Variants in LRRIQ1 observed in about 807,000 individuals in gnomAD.
The protein encoded by LRRIQ1 is leucine rich repeats and IQ motif containing 1.
In LRRIQ1, 210 loss-of-function variants were observed where a neutral mutation model predicts 211.9. That is an observed-to-expected ratio of 0.99 (90% confidence interval 0.89 to 1.11). LRRIQ1 has a LOEUF of 1.11. Ranked by LOEUF, LRRIQ1 falls within the 50% of genes most tolerant of loss-of-function variation. The probability of loss-of-function intolerance (pLI) is 0.00; values close to 1 mark genes in which losing one functional copy is unlikely to be tolerated. For missense variants in LRRIQ1, 2,136 were observed against 1,939.5 expected, an observed-to-expected ratio of 1.10 and a Z score of -1.90; for synonymous variants, 699 against 650.1, an observed-to-expected ratio of 1.08 and a Z score of -1.14.
intron 24 of LRRIQ1, among the ~76,000 whole-genome samples, chr12:85,184,145 G>A (rs953335633): frequency 2.6e-5 from 4 of 152,004 alleles, no homozygotes; most frequent in African/African-American, 7.2e-5. Flanking sequence ...TAGAATTAAA[G>A]AAGTAGAAGA....
chr12:85,242,631 A>G (rs543767788), intron 26 of LRRIQ1, among the ~76,000 whole-genome samples: 3 of 152,034 alleles, frequency 2.0e-5, no homozygotes, highest in East Asian at 1.9e-4. Flanking sequence ...ATTTTTTAAC[A>G]CTAAGCAGAG....
intron 24 of LRRIQ1, among the ~76,000 whole-genome samples, chr12:85,208,657 G>A (rs1019883318): frequency 6.6e-6 from 1 of 151,946 alleles, no homozygotes; most frequent in Non-Finnish European, 1.5e-5. Flanking sequence ...TAAAAAAATA[G>A]TGATTCTAAA....
At chr12:85,226,357 A>C (rs1894651679) in intron 24 of LRRIQ1, among the ~76,000 whole-genome samples, 2 of 152,154 alleles carry the variant, frequency 1.3e-5, no homozygotes, top group Admixed American at 6.5e-5. Context: ...TCACTGAGTC[A>C]TCACTGTTTT....
intron 10 of LRRIQ1, among the ~76,000 whole-genome samples, chr12:85,069,627 G>C (rs1377244861): frequency 6.6e-6 from 1 of 151,774 alleles, no homozygotes; most frequent in Non-Finnish European, 1.5e-5. Context: ...TTTAATGATT[G>C]CCATTCTAAC....
At chr12:85,179,983 G>A (rs1448615073) in intron 24 of LRRIQ1, among the ~76,000 whole-genome samples, 1 of 151,878 alleles carries the variant, frequency 6.6e-6, no homozygotes. Flanking sequence ...CTCAATAAGT[G>A]TTTGTTGAAT....
intron 11 of LRRIQ1, among the ~76,000 whole-genome samples, chr12:85,089,474 A>G (rs1315374900): frequency 6.6e-6 from 1 of 152,242 alleles, no homozygotes; most frequent in Non-Finnish European, 1.5e-5. Flanking sequence ...TGATAGTGAT[A>G]TGGACAGTGA....
At chr12:85,184,111 A>G (rs1411392016) in intron 24 of LRRIQ1, among the ~76,000 whole-genome samples, 1 of 152,038 alleles carries the variant, frequency 6.6e-6, no homozygotes, top group African/African-American at 2.4e-5. Flanking sequence ...AACTCAGATA[A>G]TTTTAGAAAC....
intron 19 of LRRIQ1, among the ~76,000 whole-genome samples, chr12:85,147,905 G>A (rs1419821089): frequency 6.6e-6 from 1 of 151,638 alleles, no homozygotes; most frequent in East Asian, 2.0e-4. Flanking sequence ...GTTTCTAAAG[G>A]AATCAAATAG....
At chr12:85,239,224 C>T (rs1895344514) in intron 26 of LRRIQ1, among the ~76,000 whole-genome samples, 1 of 151,810 alleles carries the variant, frequency 6.6e-6, no homozygotes, top group African/African-American at 2.4e-5. Context: ...AATGTACACA[C>T]TGATATTAAA....
rs759010097 is a variant in LRRIQ1 at position 85,066,893 on chromosome 12, G to A, written c.2690G>A (p.Arg897Gln). 23 of 1,455,528 alleles carry A rather than the reference G, an allele frequency of 1.6e-5. No homozygotes were observed. Among genetic ancestry groups the A allele is most frequent in the East Asian group, 4.8e-5 (2 of 41,772 alleles). The allele number at this position is 1,455,528 out of a possible 1,614,324, so 90.2% of individuals were successfully genotyped here. A position where few individuals can be genotyped will look rare whatever the true frequency, so the allele number is the denominator to read the frequency against. Reference sequence around the variant, plus strand: ...GAACTTTCATATAATAAAATTACTCGAATTGGTAAGAACAATGAAATTTTA... The same window carrying A: ...GAACTTTCATATAATAAAATTACTCAAATTGGTAAGAACAATGAAATTTTA... ...CLELSYNKIT[R>Q]IGYSFFLEEK... Residue 897 changes from arginine (R) to glutamine (Q), a missense_variant, in exon 10 of 27, where the codon CGA becomes CAA. Arg to Gln is a conservative substitution (Grantham distance 43). Coordinates refer to ENST00000393217, the MANE Select transcript of LRRIQ1 (RefSeq NM_001079910.2).
intron 15 of LRRIQ1, 47 bp from the exon 16 acceptor site, chr12:85,121,650 C>G: frequency 7.3e-7 from 1 of 1,365,598 alleles, no homozygotes; most frequent in African/African-American, 1.5e-5. Context: ...GATACATACT[C>G]TCCTTATCAA....
intron 24 of LRRIQ1, among the ~76,000 whole-genome samples, chr12:85,179,699 T>A (rs1891885903): frequency 1.3e-5 from 2 of 152,000 alleles, no homozygotes; most frequent in African/African-American, 4.8e-5. Flanking sequence ...CTGTTTCCTT[T>A]ATCTGAAATG....
In LRRIQ1 at chr12:85,131,994, C is replaced by G. The variant is rs188845465; in HGVS notation, c.4209+3961C>G. 1.0e-3 allele frequency among the ~76,000 whole-genome samples: 156 copies of G among 152,146 alleles called. 1 individual carries two copies. The highest frequency in any genetic ancestry group is 1.6e-3 in the Non-Finnish European group (107 of 67,984). On this transcript the variant is annotated intron_variant, in intron 18 of 26. Coordinates refer to ENST00000393217, the MANE Select transcript of LRRIQ1 (RefSeq NM_001079910.2). ...ATGGCTGGGTCTTGAATTTCTGACC[C>G]TAAGCAGATTCATGAGGGAGATATA...
chr12:85,192,545 A>G (rs1892595305), intron 24 of LRRIQ1, among the ~76,000 whole-genome samples: 1 of 121,310 alleles, frequency 8.2e-6, no homozygotes, highest in South Asian at 2.3e-4. Flanking sequence ...ATATAAATAT[A>G]TATAGTTATA....
chr12:85,217,476 ATATATATATATATATG>A (rs1393577050), intron 24 of LRRIQ1, among the ~76,000 whole-genome samples: 2 of 80,692 alleles, frequency 2.5e-5, no homozygotes, highest in African/African-American at 2.3e-4. Flanking sequence ...GTATATATAT[ATATATATATATATATG>A]TATATATATA....
At chr12:85,246,978 G>T (rs1214944458), downstream of LRRIQ1, among the ~76,000 whole-genome samples, 2 of 151,326 alleles carry the variant, frequency 1.3e-5, no homozygotes, top group Non-Finnish European at 3.0e-5. Flanking sequence ...TTGTAGAGTT[G>T]TTGTTGGGAT....
At chr12:85,225,425 G>C (rs1374159567) in intron 24 of LRRIQ1, among the ~76,000 whole-genome samples, 1 of 152,094 alleles carries the variant, frequency 6.6e-6, no homozygotes, top group Non-Finnish European at 1.5e-5. Context: ...TTAACCAGTG[G>C]TTGTCTTGAT....
intron 26 of LRRIQ1, chr12:85,233,182 A>G (rs1395264279): frequency 5.1e-6 from 1 of 194,184 alleles, no homozygotes; most frequent in East Asian, 1.6e-4. Context: ...AATAAAGTGT[A>G]AAATATTGAA....
chr12:85,217,568 G>A (rs1165220956), intron 24 of LRRIQ1, among the ~76,000 whole-genome samples: 1 of 92,492 alleles, frequency 1.1e-5, no homozygotes, highest in Non-Finnish European at 1.8e-5. Flanking sequence ...GTATATATAT[G>A]TGTGTATACA....
Sources: gnomAD v4.1 joint callset for allele counts (sites outside exome capture counted in the v4.1 genomes callset) on GRCh38, gnomAD v4.1.1 for gene constraint, MANE v1.5 for transcripts, NCBI Gene and HGNC (gene_info 2026-07-23, HGNC 2026-07-21) for gene names.